Variants in UBR3 observed in about 807,000 individuals in gnomAD.
UBR3 encodes E3 ubiquitin-protein ligase UBR3.
A neutral mutation model predicts 243.2 loss-of-function variants in UBR3; 85 were observed. That is an observed-to-expected ratio of 0.35 (90% CI 0.29 to 0.42). UBR3 has a LOEUF of 0.42. Among genes scored for constraint, UBR3 ranks in the 10% least tolerant of loss-of-function variants. The probability of loss-of-function intolerance (pLI) is 1.00; values close to 1 mark genes in which losing one functional copy is unlikely to be tolerated. For synonymous variants in UBR3, 748 were observed against 799.8 expected, an observed-to-expected ratio of 0.94 and a Z score of 1.09; for missense variants, 1,686 against 2,300.8, an observed-to-expected ratio of 0.73 and a Z score of 5.47.
At chr2:169,959,488 T>A (rs920502372) in intron 24 of UBR3, among the ~76,000 whole-genome samples, 1 of 151,946 alleles carries the variant, frequency 6.6e-6, no homozygotes, top group Non-Finnish European at 1.5e-5. Context: ...TGAGTTCCTT[T>A]TCTGGCAATT....
intron 25 of UBR3, among the ~76,000 whole-genome samples, chr2:169,991,978 T>C (rs142047890): frequency 9.1e-4 from 138 of 152,166 alleles, no homozygotes; most frequent in African/African-American, 3.1e-3. Context: ...AAATGCAACA[T>C]ACCCAAACCT....
intron 24 of UBR3, among the ~76,000 whole-genome samples, chr2:169,979,246 C>G (rs768419119): frequency 4.6e-5 from 7 of 152,156 alleles, no homozygotes; most frequent in Non-Finnish European, 8.8e-5. Flanking sequence ...AAATCTGACA[C>G]TACCAATTTT....
intron 32 of UBR3, among the ~76,000 whole-genome samples, chr2:170,049,685 C>T (rs888947829): frequency 1.3e-5 from 2 of 152,116 alleles, no homozygotes; most frequent in Non-Finnish European, 2.9e-5. Flanking sequence ...TTTCTAGAAG[C>T]CTTTCTATTG....
At chr2:170,045,180 CAA>C (rs1041402243) in intron 32 of UBR3, among the ~76,000 whole-genome samples, 1 of 152,076 alleles carries the variant, frequency 6.6e-6, no homozygotes, top group African/African-American at 2.4e-5. Context: ...TGGTAGCAGA[CAA>C]GAGAAGAGAA....
At chr2:169,882,741 A>AAAAAG (rs1446897909) in intron 5 of UBR3, among the ~76,000 whole-genome samples, 13 of 152,138 alleles carry the variant, frequency 8.5e-5, no homozygotes, top group African/African-American at 2.9e-4. Flanking sequence ...CCATCTCAAA[A>AAAAAG]AAAAGAAAAA....
At chr2:170,063,280 A>G (rs1362375841) in intron 35 of UBR3, among the ~76,000 whole-genome samples, 4 of 152,174 alleles carry the variant, frequency 2.6e-5, no homozygotes, top group African/African-American at 9.6e-5. Context: ...GGAAAACTTA[A>G]TAGAAGGAGG....
At chr2:170,032,167 AT>A (rs1359202616) in intron 31 of UBR3, among the ~76,000 whole-genome samples, 2 of 152,182 alleles carry the variant, frequency 1.3e-5, no homozygotes, top group African/African-American at 4.8e-5. Context: ...CCCAGAGACA[AT>A]GTCAAGAAAA....
intron 1 of UBR3, among the ~76,000 whole-genome samples, chr2:169,865,489 T>C (rs1047339831): frequency 2.0e-5 from 3 of 152,210 alleles, no homozygotes; most frequent in African/African-American, 7.2e-5. Context: ...TACACTTCTG[T>C]AACCTCAGTC....
At chr2:169,981,336 G>T (rs184756830) in intron 24 of UBR3, among the ~76,000 whole-genome samples, 2 of 152,150 alleles carry the variant, frequency 1.3e-5, no homozygotes. Context: ...ATCAGCAGTG[G>T]TAATTCATGT....
intron 26 of UBR3, among the ~76,000 whole-genome samples, chr2:169,996,945 C>T (rs565777657): frequency 4.0e-5 from 6 of 151,430 alleles, no homozygotes; most frequent in South Asian, 4.2e-4. Context: ...GTGATCTGCC[C>T]GCCTTGGCCT....
At chr2:170,021,051 T>C (rs1242795771) in intron 30 of UBR3, among the ~76,000 whole-genome samples, 1 of 152,150 alleles carries the variant, frequency 6.6e-6, no homozygotes, top group Non-Finnish European at 1.5e-5. Context: ...TTTTAAAGGA[T>C]GGTGATATTA....
At chr2:170,037,938 A>G (rs2090873053) in intron 31 of UBR3, among the ~76,000 whole-genome samples, 1 of 152,182 alleles carries the variant, frequency 6.6e-6, no homozygotes, top group Non-Finnish European at 1.5e-5. Flanking sequence ...GTCACATACA[A>G]TAATAAGCAA....
chr2:169,904,461 T>C (rs2084941191), intron 8 of UBR3, among the ~76,000 whole-genome samples: 1 of 152,182 alleles, frequency 6.6e-6, no homozygotes, highest in Non-Finnish European at 1.5e-5. Context: ...GCATATATAC[T>C]AATAATTTTT....
rs185816228 is a variant in UBR3 at position 170,012,901 on chromosome 2, T to C, written c.4368-2380T>C. ...GGGGGATTGAGAGGACAGCATACTT[T>C]GGTCATGCAAAAAGAAGCTGGAGCA... On this transcript the variant is annotated intron_variant, in intron 29 of 38. Transcript: ENST00000272793. Among the ~76,000 whole-genome samples the C allele has an allele frequency of 1.2e-4, 18 of 152,222 alleles. 1 individual carries two copies. The East Asian group carries it at 2.9e-3, about 24-fold the overall frequency.
At chr2:169,905,890 ATTTAC>A (rs1211692339) in intron 9 of UBR3, 136 bp from the exon 10 acceptor site, 1 of 859,510 alleles carries the variant, frequency 1.2e-6, no homozygotes, top group African/African-American at 1.8e-5. Context: ...ATTTTTAGTA[ATTTAC>A]TTATTTCTAT....
chr2:169,948,049 T>C (rs1225992479), intron 22 of UBR3: 1 of 574,594 alleles, frequency 1.7e-6, no homozygotes, highest in Non-Finnish European at 2.2e-6. Flanking sequence ...TATGGTTAAA[T>C]TTAAAAGAAG....
chr2:169,954,530 G>A (rs1021750845), intron 23 of UBR3, among the ~76,000 whole-genome samples: 5 of 150,514 alleles, frequency 3.3e-5, no homozygotes, highest in Non-Finnish European at 5.9e-5. Context: ...GGCATGAGCC[G>A]CTGCTCCTAG....
At chr2:170,016,534 TATA>T (rs1270406797) in intron 30 of UBR3, among the ~76,000 whole-genome samples, 2 of 151,950 alleles carry the variant, frequency 1.3e-5, no homozygotes, top group Non-Finnish European at 2.9e-5. Flanking sequence ...AATTAATAGA[TATA>T]ATAATCATTT....
intron 24 of UBR3, among the ~76,000 whole-genome samples, chr2:169,979,517 G>A (rs2088619633): frequency 6.6e-6 from 1 of 152,168 alleles, no homozygotes; most frequent in Non-Finnish European, 1.5e-5. Flanking sequence ...TTCCATAGAT[G>A]AATGGATAAA....
Sources: gnomAD v4.1 joint callset for allele counts (sites outside exome capture counted in the v4.1 genomes callset) on GRCh38, gnomAD v4.1.1 for gene constraint, MANE v1.5 for transcripts, NCBI Gene and HGNC (gene_info 2026-07-23, HGNC 2026-07-21) for gene names.